The following PIK3R1 variants were observed in gnomAD, a reference collection of about 807,000 sequenced individuals.
PIK3R1 encodes the protein phosphatidylinositol 3-kinase regulatory subunit alpha.
PIK3R1 carries 29 observed loss-of-function variants against 98.0 expected under a neutral mutation model. That is an observed-to-expected ratio of 0.30 (90% CI 0.22 to 0.40). PIK3R1 has a LOEUF of 0.40. PIK3R1 is among the 10% of genes least tolerant of loss of function. PIK3R1 has a pLI of 1.00. For missense variants in PIK3R1, 596 were observed against 872.7 expected, an observed-to-expected ratio of 0.68 and a Z score of 3.99; for synonymous variants, 282 against 311.8, an observed-to-expected ratio of 0.90 and a Z score of 1.01.
chr5:68,234,992 C>T (rs1459876483), intron 2 of PIK3R1, among the ~76,000 whole-genome samples: 2 of 152,144 alleles, frequency 1.3e-5, no homozygotes, highest in Admixed American at 1.3e-4. Flanking sequence ...ATGCAGTTTT[C>T]AGAACTACTC....
Position 68,280,977 on chromosome 5 carries a change from C to G in PIK3R1, c.887C>G (p.Thr296Ser), listed in dbSNP as rs752843053. ...LIKVIEILIS[T>S]EWNERQPAPA... ...AAAGTTATAGAAATTTTAATCTCAA[C>G]TGAATGGAATGAACGACAGCCTGCA... is the stretch of plus-strand genomic sequence containing the variant. The change falls in exon 7 of 16, where the codon ACT (threonine) becomes AGT (serine). Residue 296 changes from threonine (T) to serine (S), a missense_variant. Around this residue, in one of 3 missense-constraint regions of PIK3R1, gnomAD observed 352 missense variants for 393.3 expected, o/e 0.90. Transcript: ENST00000521381. The G allele has an allele frequency of 1.9e-6, 3 of 1,606,140 alleles. No individual in the cohort carries two copies. The South Asian group carries it at 3.3e-5, about 18-fold the overall frequency.
In PIK3R1 at chr5:68,295,869, T is replaced by G. The variant is rs571836705; in HGVS notation, c.1815-302T>G. On this transcript the variant is annotated intron_variant, in intron 14 of 15. Transcript: ENST00000521381. ...GCAATCTGCCTAGTCAATTTCCTGATCTAAACTGGATAAACGAGATTGTTT... is the reference window on the plus strand; with the variant it reads ...GCAATCTGCCTAGTCAATTTCCTGAGCTAAACTGGATAAACGAGATTGTTT... The G allele has an allele frequency of 1.3e-5, 6 of 461,800 alleles. No homozygotes were observed. In the South Asian group the frequency reaches 1.8e-4, roughly 14 times the overall value. 28.6% of individuals were successfully genotyped at this position (461,800 alleles called of 1,614,324 possible).
chr5:68,281,645 G>C (rs894194786), intron 7 of PIK3R1, among the ~76,000 whole-genome samples: 8 of 152,178 alleles, frequency 5.3e-5, no homozygotes, highest in African/African-American at 1.9e-4. Flanking sequence ...CTATATACCA[G>C]TTAAAAGTTA....
chr5:68,259,797 C>T (rs189045723), intron 2 of PIK3R1, among the ~76,000 whole-genome samples: 21 of 152,308 alleles, frequency 1.4e-4, no homozygotes, highest in Non-Finnish European at 2.4e-4. Flanking sequence ...TGTAAGGAAA[C>T]CATATGCCCT....
At chr5:68,272,068 T>C (rs1746383673) in intron 2 of PIK3R1, among the ~76,000 whole-genome samples, 1 of 151,854 alleles carries the variant, frequency 6.6e-6, no homozygotes, top group African/African-American at 2.4e-5. Flanking sequence ...CTGGGCAATA[T>C]GGCAAAACCC....
intron 2 of PIK3R1, among the ~76,000 whole-genome samples, chr5:68,231,549 CCAGAAAGCAGGG>C (rs1744478483): frequency 6.6e-6 from 1 of 152,172 alleles, no homozygotes; most frequent in South Asian, 2.1e-4. Flanking sequence ...TGTTCCCTGT[CCAGAAAGCAGGG>C]CTGCAATAAA....
At chr5:68,287,127 A>T (rs1747110208) in intron 7 of PIK3R1, among the ~76,000 whole-genome samples, 1 of 152,228 alleles carries the variant, frequency 6.6e-6, no homozygotes, top group South Asian at 2.1e-4. Context: ...TTATGTGACC[A>T]CTGGATCACT....
In PIK3R1 at chr5:68,239,745, C is replaced by G. The variant is rs911235664; in HGVS notation, c.334+12736C>G. The stretch of plus-strand genomic sequence containing the variant: ...ACTTCCGACCAGCCACAAGGCACCC[C>G]GGAGCCAAAGGCAGATGACTCCCTG... On this transcript the variant is annotated intron_variant, in intron 2 of 15. Transcript: ENST00000521381. 2.0e-5 allele frequency among the ~76,000 whole-genome samples: 3 copies of G among 152,150 alleles called. No individual in the cohort carries two copies. In the South Asian group the frequency reaches 6.2e-4, roughly 32 times the overall value.
intron 2 of PIK3R1, among the ~76,000 whole-genome samples, chr5:68,251,787 C>G (rs1745318954): frequency 6.6e-6 from 1 of 152,174 alleles, no homozygotes; most frequent in South Asian, 2.1e-4. Flanking sequence ...CAAAGGAAAT[C>G]ACACAGTTGA....
intron 7 of PIK3R1, chr5:68,291,107 C>T: frequency 3.0e-6 from 1 of 334,312 alleles, no homozygotes; most frequent in African/African-American, 2.1e-5. Flanking sequence ...AATCGAGATC[C>T]TTCCCTGGGT....
rs2112309122 is a variant in PIK3R1, at chr5:68,300,019, GT to G, written c.*2419del. 1 of 233,010 alleles carries G rather than the reference GT, an allele frequency of 4.3e-6. No individual in the cohort carries two copies. The highest frequency in any genetic ancestry group is 6.0e-5 in the East Asian group (1 of 16,556). 14.4% of individuals were successfully genotyped at this position (233,010 alleles called of 1,614,324 possible). On this transcript the variant is annotated 3_prime_UTR_variant, in exon 16 of 16. Transcript: ENST00000521381. ...AACTAGGTTTGTGGGTATTTTTTTG[GT>G]AGCACATGTATGCTATTACATACAA...
intron 1 of PIK3R1, among the ~76,000 whole-genome samples, chr5:68,224,945 C>T (rs751629345): frequency 6.6e-6 from 1 of 152,236 alleles, no homozygotes; most frequent in Non-Finnish European, 1.5e-5. Flanking sequence ...ATAGAGTGGT[C>T]TGTAGCAACC....
intron 4 of PIK3R1, 136 bp from the exon 5 acceptor site, chr5:68,279,466 T>C (rs578252673): frequency 2.9e-6 from 2 of 689,502 alleles, no homozygotes; most frequent in South Asian, 3.9e-5. Context: ...ATACTTTGTG[T>C]CTTGTATTTA....
intron 15 of PIK3R1, 58 bp from the exon 16 acceptor site, chr5:68,297,354 A>G: frequency 7.4e-7 from 1 of 1,345,812 alleles, no homozygotes. Context: ...GATGCCCTGA[A>G]GAGTTGTGAA....
chr5:68,279,465 G>A (rs1580242906), intron 4 of PIK3R1, 137 bp from the exon 5 acceptor site: 1 of 689,302 alleles, frequency 1.5e-6, no homozygotes, highest in East Asian at 2.7e-5. Flanking sequence ...AATACTTTGT[G>A]TCTTGTATTT....
chr5:68,227,237 T>A (rs760864524), intron 2 of PIK3R1, among the ~76,000 whole-genome samples: 2 of 152,206 alleles, frequency 1.3e-5, no homozygotes, highest in Non-Finnish European at 2.9e-5. Context: ...CGAGAACCTG[T>A]TTAGTGAGTG....
intron 2 of PIK3R1, among the ~76,000 whole-genome samples, chr5:68,268,038 C>T (rs1175857737): frequency 6.6e-6 from 1 of 151,994 alleles, no homozygotes; most frequent in African/African-American, 2.4e-5. Context: ...TAATAACTAC[C>T]TATTAGTTTG....
chr5:68,246,724 C>T (rs1470686846), intron 2 of PIK3R1, among the ~76,000 whole-genome samples: 1 of 152,262 alleles, frequency 6.6e-6, no homozygotes, highest in African/African-American at 2.4e-5. Context: ...CCTGGGTTCA[C>T]GCCATTCTCC....
chr5:68,278,030 C>T (rs1746654388), intron 4 of PIK3R1, among the ~76,000 whole-genome samples: 1 of 152,072 alleles, frequency 6.6e-6, no homozygotes, highest in East Asian at 1.9e-4. Flanking sequence ...AGCCAAAGTC[C>T]TCTCCTTTTC....
Sources: gnomAD v4.1 joint callset for allele counts (sites outside exome capture counted in the v4.1 genomes callset) on GRCh38, gnomAD v4.1.1 for gene constraint, gnomAD v4.1.1 regional missense constraint, MANE v1.5 for transcripts, NCBI Gene and HGNC (gene_info 2026-07-23, HGNC 2026-07-21) for gene names.